The following CBFA2T3 variants were observed in gnomAD, a reference collection of about 807,000 sequenced individuals.
CBFA2T3 encodes the protein transcriptional corepressor CBFA2T3.
A neutral mutation model predicts 58.6 loss-of-function variants in CBFA2T3; 31 were observed. That is an observed-to-expected ratio of 0.53 (90% confidence interval 0.40 to 0.71). CBFA2T3 has a LOEUF of 0.71. Among genes scored for constraint, CBFA2T3 ranks in the 30% least tolerant of loss-of-function variants. The pLI is 0.00. For missense variants in CBFA2T3, 1,076 were observed against 963.1 expected, an observed-to-expected ratio of 1.12 and a Z score of -1.55; for synonymous variants, 531 against 421.9, an observed-to-expected ratio of 1.26 and a Z score of -3.17.
intron 1 of CBFA2T3, among the ~76,000 whole-genome samples, chr16:88,910,279 C>T (rs1327679981): frequency 6.6e-6 from 1 of 152,176 alleles, no homozygotes; most frequent in Non-Finnish European, 1.5e-5. Context: ...CTGCAGCCCG[C>T]GCGGCCCTTC....
chr16:88,910,069 T>C (rs1673931), intron 1 of CBFA2T3, among the ~76,000 whole-genome samples: 57,431 of 152,126 alleles, frequency 0.38, 11,223 homozygotes, highest in Middle Eastern at 0.48. Flanking sequence ...CTGTCCCCTC[T>C]GGCCTCACCA....
chr16:88,896,755 G>A (rs1391208098), intron 3 of CBFA2T3, among the ~76,000 whole-genome samples: 1 of 152,122 alleles, frequency 6.6e-6, no homozygotes, highest in Admixed American at 6.5e-5. Flanking sequence ...TCTCAGACGC[G>A]CCACAGTGCA....
intron 1 of CBFA2T3, chr16:88,937,590 G>A (rs1971547615): frequency 6.6e-6 from 1 of 152,276 alleles, no homozygotes. Flanking sequence ...ACCCACCCGC[G>A]TCGGGCTCCT....
At chr16:88,909,848 T>A (rs1291911539) in intron 1 of CBFA2T3, among the ~76,000 whole-genome samples, 1 of 152,208 alleles carries the variant, frequency 6.6e-6, no homozygotes, top group East Asian at 1.9e-4. Flanking sequence ...AGCCCCAGCC[T>A]CTGAACTCCA....
intron 1 of CBFA2T3, among the ~76,000 whole-genome samples, chr16:88,918,518 C>A (rs376486643): frequency 6.6e-6 from 1 of 152,262 alleles, no homozygotes; most frequent in East Asian, 1.9e-4. Flanking sequence ...AGAGCCCACA[C>A]GGTTACTGGC....
At position 88,892,256 on chromosome 16, in the gene CBFA2T3, C is replaced by A; in HGVS notation, c.609G>T (p.Val203=). ...PEIGERVRTL[V]LGLVNSTLTI... ...CTGCCCAACTCACCACCAGGCCCAG[C>A]ACCAGTGTGCGCACGCGCTCCCCAA... Residue 203 remains valine (V), a synonymous_variant, in exon 4 of 12, where the codon GTG becomes GTT. Transcript: ENST00000268679. 1 of 1,609,552 alleles carries A rather than the reference C, an allele frequency of 6.2e-7. No individual in the cohort carries two copies. Among genetic ancestry groups the A allele is most frequent in the Non-Finnish European group, 8.5e-7 (1 of 1,179,286 alleles).
intron 1 of CBFA2T3, among the ~76,000 whole-genome samples, chr16:88,974,016 C>T (rs895013153): frequency 6.6e-6 from 1 of 152,214 alleles, no homozygotes; most frequent in Non-Finnish European, 1.5e-5. Flanking sequence ...TAAGGTGACA[C>T]CAGGCAGGCC....
chr16:88,893,278 C>T (rs900054860), intron 3 of CBFA2T3, among the ~76,000 whole-genome samples: 1 of 145,474 alleles, frequency 6.9e-6, no homozygotes, highest in African/African-American at 2.6e-5. Flanking sequence ...CACACAGGCG[C>T]CTCCCAGCCC....
At chr16:88,934,369 G>A (rs988876164) in intron 1 of CBFA2T3, among the ~76,000 whole-genome samples, 1 of 152,272 alleles carries the variant, frequency 6.6e-6, no homozygotes, top group African/African-American at 2.4e-5. Flanking sequence ...TCCCCTGTTG[G>A]ATGCTTTGGG....
At chr16:88,941,928 C>G (rs1971754068) in intron 1 of CBFA2T3, 1 of 150,660 alleles carries the variant, frequency 6.6e-6, no homozygotes, top group African/African-American at 2.4e-5. Flanking sequence ...CGCCCCCTGC[C>G]CCGCGCTCGC....
chr16:88,888,770 T>TGAACA (rs1217863978), intron 5 of CBFA2T3, among the ~76,000 whole-genome samples: 1 of 151,388 alleles, frequency 6.6e-6, no homozygotes, highest in Non-Finnish European at 1.5e-5. Context: ...GTCAGAGAGG[T>TGAACA]GAACAGACTT....
At chr16:88,965,727 G>A (rs931447545) in intron 1 of CBFA2T3, among the ~76,000 whole-genome samples, 1 of 152,192 alleles carries the variant, frequency 6.6e-6, no homozygotes, top group Non-Finnish European at 1.5e-5. Flanking sequence ...TGGCTCCTGG[G>A]CCACCATTAT....
chr16:88,964,799 C>T (rs1972453712), intron 1 of CBFA2T3, among the ~76,000 whole-genome samples: 1 of 151,596 alleles, frequency 6.6e-6, no homozygotes, highest in Non-Finnish European at 1.5e-5. Flanking sequence ...ACCATCTATC[C>T]ATCCAGTCAC....
chr16:88,958,508 G>T lies in CBFA2T3; in HGVS notation c.151+18149C>A, dbSNP rs1239791072. On this transcript the variant is annotated intron_variant, in intron 1 of 11. Transcript: ENST00000268679. The surrounding 1 kb of genome is among the most constrained non-coding windows in gnomAD (Gnocchi z 4.0). ...CCAGGTCCCGGTGCAGCGCTCGTGA[G>T]TGCCCCACATCCCTGGGCATCACAC... Among the ~76,000 whole-genome samples, 1 of 152,212 alleles carries T rather than the reference G, an allele frequency of 6.6e-6. No homozygotes were observed. Among genetic ancestry groups the T allele is most frequent in the Non-Finnish European group, 1.5e-5 (1 of 68,032 alleles).
At chr16:88,956,550 G>T (rs1972224908) in intron 1 of CBFA2T3, among the ~76,000 whole-genome samples, 1 of 152,230 alleles carries the variant, frequency 6.6e-6, no homozygotes, top group Admixed American at 6.5e-5. Context: ...GGGCTTCCCA[G>T]CAGGGGACAT....
intron 2 of CBFA2T3, among the ~76,000 whole-genome samples, chr16:88,898,400 C>G (rs1231694407): frequency 1.3e-5 from 2 of 152,200 alleles, no homozygotes; most frequent in Non-Finnish European, 2.9e-5. Flanking sequence ...TCCTGCTTCT[C>G]AGAGTGATTT....
intron 1 of CBFA2T3, among the ~76,000 whole-genome samples, chr16:88,914,296 C>T (rs145339710): frequency 1.9e-3 from 292 of 152,288 alleles, no homozygotes; most frequent in Non-Finnish European, 3.1e-3. Context: ...AGAGGGGGAT[C>T]GGAGGCCTTG....
At chr16:88,948,249 C>T (rs1971956499) in intron 1 of CBFA2T3, among the ~76,000 whole-genome samples, 1 of 152,216 alleles carries the variant, frequency 6.6e-6, no homozygotes, top group Non-Finnish European at 1.5e-5. Flanking sequence ...TGTCCCCCCT[C>T]AATTCTGTTT....
intron 11 of CBFA2T3, among the ~76,000 whole-genome samples, chr16:88,878,644 G>T (rs1483579867): frequency 6.6e-6 from 1 of 152,202 alleles, no homozygotes; most frequent in Non-Finnish European, 1.5e-5. Context: ...GTTCTCACAG[G>T]CTAGAGAACA....
Sources: gnomAD v4.1 joint callset for allele counts (sites outside exome capture counted in the v4.1 genomes callset) on GRCh38, gnomAD v4.1.1 for gene constraint, Gnocchi (gnomAD v3.1) non-coding constraint, MANE v1.5 for transcripts, NCBI Gene and HGNC (gene_info 2026-07-23, HGNC 2026-07-21) for gene names.